Variants in ZNF169 observed in about 807,000 individuals in gnomAD.
ZNF169 encodes zinc finger protein 169.
ZNF169 carries 11 observed loss-of-function variants against 12.0 expected under a neutral mutation model. The observed-to-expected ratio is 0.92, with a 90% CI of 0.58 to 1.52. The LOEUF is 1.52. Among genes scored for constraint, ZNF169 ranks in the 40% most tolerant of loss-of-function variants. The probability of loss-of-function intolerance (pLI) is 0.00; values close to 1 mark genes in which losing one functional copy is unlikely to be tolerated. For synonymous variants in ZNF169, 302 were observed against 286.5 expected (o/e 1.05, Z -0.55); for missense variants, 722 against 744.0 (o/e 0.97, Z 0.34).
In ZNF169 at chr9:94,270,977, T is replaced by C. The variant is rs1288025440; in HGVS notation, c.-55-7781T>C. On this transcript the variant is annotated intron_variant, in intron 1 of 4. Transcript: ENST00000395395. ...TATATAAATAATATATTATATATTA[T>C]ATAAATATACAAATAATATATTATA... 3.9e-3 allele frequency among the ~76,000 whole-genome samples: 35 copies of C among 8,974 alleles called. 1 individual carries two copies. Among genetic ancestry groups the C allele is most frequent in the African/African-American group, 0.02 (34 of 1,742 alleles). 5.9% of individuals were successfully genotyped at this position (8,974 alleles called of 152,430 possible).
intron 1 of ZNF169, among the ~76,000 whole-genome samples, chr9:94,274,284 G>A (rs1373399831): frequency 6.6e-6 from 1 of 152,106 alleles, no homozygotes; most frequent in Non-Finnish European, 1.5e-5. Context: ...ATACGAATAT[G>A]GGAGACAAGG....
chr9:94,295,402 T>C (rs1054782475), intron 4 of ZNF169: 7 of 152,252 alleles, frequency 4.6e-5, no homozygotes, highest in African/African-American at 1.7e-4. Context: ...AAGATATGTT[T>C]TTTAAGGTAT....
At position 94,270,901 on chromosome 9, in the gene ZNF169, AT is replaced by A. The variant is rs1830404258; in HGVS notation, c.-55-7856del. Among the ~76,000 whole-genome samples the A allele has an allele frequency of 2.2e-4, 3 of 13,588 alleles. 1 individual carries two copies. Among genetic ancestry groups the A allele is most frequent in the African/African-American group, 1.1e-3 (3 of 2,788 alleles). 8.9% of individuals were successfully genotyped at this position (13,588 alleles called of 152,430 possible). ...ATATTATATAAATATATATAATAATATATATATTATATTATATTATATATAA... is the reference window on the plus strand; with the variant it reads ...ATATTATATAAATATATATAATAATAATATATTATATTATATTATATATAA... On this transcript the variant is annotated intron_variant, in intron 1 of 4. Transcript: ENST00000395395.
intron 2 of ZNF169, chr9:94,288,526 T>A (rs1203662149): frequency 1.7e-6 from 1 of 571,920 alleles, no homozygotes; most frequent in African/African-American, 1.9e-5. Context: ...TTTGACAGGA[T>A]CTCATATGTG....
intron 2 of ZNF169, 23 bp from the exon 3 acceptor site, chr9:94,292,318 G>A (rs776183950): frequency 8.5e-5 from 137 of 1,613,770 alleles, no homozygotes; most frequent in Non-Finnish European, 1.1e-4. Flanking sequence ...TGTTGAGTGA[G>A]CAGGGATGTG....
chr9:94,264,137 CTTTTA>C (rs66744947), intron 1 of ZNF169, among the ~76,000 whole-genome samples: 44,047 of 151,666 alleles, frequency 0.29, 7,876 homozygotes, highest in East Asian at 0.53. Context: ...TATAAACAGT[CTTTTA>C]TTTTATCTTT....
chr9:94,289,250 T>C (rs1830780599), intron 2 of ZNF169, among the ~76,000 whole-genome samples: 1 of 151,292 alleles, frequency 6.6e-6, no homozygotes, highest in Admixed American at 6.6e-5. Flanking sequence ...AATAAAAAAA[T>C]TAGCCAGGTG....
rs995730874 is a variant in ZNF169, at chr9:94,262,711, G to A, written c.-56+3366G>A. 4.6e-5 allele frequency among the ~76,000 whole-genome samples: 7 copies of A among 151,842 alleles called. No homozygotes were observed. In the East Asian group the frequency reaches 5.8e-4, roughly 13 times the overall value. On this transcript the variant is annotated intron_variant, in intron 1 of 4. Coordinates refer to ENST00000395395, the MANE Select transcript of ZNF169 (RefSeq NM_194320.4). Reference sequence around the variant, plus strand: ...CCTAACCTCGTGATCCGCCTGCCTCGGCCTCCCAAAGTGCTGGGATTACAG... The same window carrying A: ...CCTAACCTCGTGATCCGCCTGCCTCAGCCTCCCAAAGTGCTGGGATTACAG...
intron 1 of ZNF169, among the ~76,000 whole-genome samples, chr9:94,274,476 T>C (rs560497668): frequency 3.9e-5 from 6 of 152,232 alleles, no homozygotes; most frequent in African/African-American, 1.2e-4. Context: ...TTTAAAAATA[T>C]CTTATTGTTA....
intron 4 of ZNF169, chr9:94,295,983 C>T (rs533458348): frequency 3.3e-5 from 5 of 152,312 alleles, no homozygotes; most frequent in Admixed American, 6.5e-5. Context: ...AGTGGCCGCA[C>T]CATTTCACAT....
In ZNF169 at chr9:94,300,164, G is replaced by C. The variant is rs1288933312; in HGVS notation, c.606G>C (p.Lys202Asn). 3.7e-6 allele frequency: 6 copies of C among 1,614,156 alleles called. No homozygotes were observed. Among genetic ancestry groups the C allele is most frequent in the Non-Finnish European group, 5.1e-6 (6 of 1,180,036 alleles). The change falls in exon 5 of 5, where the codon AAG (lysine) becomes AAC (asparagine). Residue 202 changes from lysine to asparagine, a missense_variant. Transcript: ENST00000395395. The stretch of plus-strand genomic sequence containing the variant: ...TTGGGGGGTCAGACACAATGTTGAA[G>C]GGAGCAGACACTTCAGAATCTGGAG... ...MSLGGSDTML[K>N]GADTSESGAV...
intron 2 of ZNF169, among the ~76,000 whole-genome samples, chr9:94,281,343 T>A (rs1170279149): frequency 1.3e-5 from 2 of 152,230 alleles, no homozygotes; most frequent in African/African-American, 4.8e-5. Context: ...GCATTTTTCC[T>A]AAGGGCTTTT....
chr9:94,293,080 A>C lies in ZNF169; in HGVS notation c.256+11A>C, dbSNP rs73653457. The C allele has an allele frequency of 4.9e-3, 7,817 of 1,610,196 alleles. 286 individuals carry two copies. In the African/African-American group the frequency reaches 0.089, roughly 18 times the overall value. ...TGGACCTTTGTCCAGGTGAGTGGGA[A>C]GCCCTGGGCAAGCGAGGGTGCAGGG... On this transcript the variant is annotated intron_variant, in intron 4 of 4. Coordinates refer to ENST00000395395, the MANE Select transcript of ZNF169 (RefSeq NM_194320.4).
intron 1 of ZNF169, among the ~76,000 whole-genome samples, chr9:94,261,766 AC>A (rs1278821253): frequency 5.3e-5 from 8 of 152,322 alleles, no homozygotes; most frequent in Non-Finnish European, 1.0e-4. Flanking sequence ...CTTGTGTATG[AC>A]ACTTCTCTGA....
Position 94,301,011 on chromosome 9 carries a change from C to G in ZNF169, c.1453C>G (p.Pro485Ala), listed in dbSNP as rs1471557235. The G allele has an allele frequency of 2.5e-6, 4 of 1,614,132 alleles. No individual in the cohort carries two copies. The highest frequency in any genetic ancestry group is 3.4e-6 in the Non-Finnish European group (4 of 1,180,024). The stretch of plus-strand genomic sequence containing the variant: ...CCAGAGGACACACACAGGGGAGAAG[C>G]CTTATCTGTGCCCCAAGTGTGGGCG... ...RHQRTHTGEK[P>A]YLCPKCGRAF... The change falls in exon 5 of 5, where the codon CCT becomes GCT. Residue 485 changes from proline to alanine, a missense_variant. Pro to Ala is a conservative substitution (Grantham distance 27). Coordinates refer to ENST00000395395, the MANE Select transcript of ZNF169 (RefSeq NM_194320.4).
chr9:94,265,968 C>G lies in ZNF169; in HGVS notation c.-56+6623C>G, dbSNP rs10993126. On this transcript the variant is annotated intron_variant, in intron 1 of 4. Coordinates refer to ENST00000395395, the MANE Select transcript of ZNF169 (RefSeq NM_194320.4). Reference sequence around the variant, plus strand: ...GGGCATGGTGGCACATGCCTGTAATCTCAGCTACTCAGGAGGGTGAGGCAG... The same window carrying G: ...GGGCATGGTGGCACATGCCTGTAATGTCAGCTACTCAGGAGGGTGAGGCAG... Among the ~76,000 whole-genome samples, 12 of 151,716 alleles carry G rather than the reference C, an allele frequency of 7.9e-5. No homozygotes were observed. In the South Asian group the frequency reaches 2.5e-3, roughly 32 times the overall value.
intron 1 of ZNF169, among the ~76,000 whole-genome samples, chr9:94,273,963 T>C (rs1830477120): frequency 6.6e-6 from 1 of 152,194 alleles, no homozygotes. Flanking sequence ...TACCACACAA[T>C]GGGTGGCTGT....
Position 94,271,456 on chromosome 9 carries a change from T to A in ZNF169, c.-55-7302T>A, listed in dbSNP as rs1445830614. On this transcript the variant is annotated intron_variant, in intron 1 of 4. Transcript: ENST00000395395. ...TGTTAAACTGGCCAGACTCAGTGGC[T>A]CACGCCTGTAATCCCAGCACTTTGG... is the stretch of plus-strand genomic sequence containing the variant. Among the ~76,000 whole-genome samples, 4 of 152,072 alleles carry A rather than the reference T, an allele frequency of 2.6e-5. No homozygotes were observed. In the East Asian group the frequency reaches 7.7e-4, roughly 29 times the overall value.
At chr9:94,283,836 A>C (rs1156469428) in intron 2 of ZNF169, among the ~76,000 whole-genome samples, 1 of 152,126 alleles carries the variant, frequency 6.6e-6, no homozygotes, top group Non-Finnish European at 1.5e-5. Flanking sequence ...TGGGAGGCTG[A>C]GACTGGTGGA....
Sources: allele counts gnomAD v4.1 joint callset (sites outside exome capture counted in the v4.1 genomes callset), GRCh38; gene constraint gnomAD v4.1.1; transcripts MANE v1.5; gene names NCBI Gene and HGNC (gene_info 2026-07-23, HGNC 2026-07-21).